The following ADARB1 variants were observed in gnomAD, a reference collection of about 807,000 sequenced individuals.
ADARB1 encodes adenosine deaminase RNA specific B1.
ADARB1 carries 10 observed loss-of-function variants against 52.4 expected under a neutral mutation model. That is an observed-to-expected ratio of 0.19 (90% CI 0.12 to 0.32). The LOEUF (loss-of-function observed/expected upper bound fraction) is 0.32, where lower values mean the gene tolerates loss of function less well. Ranked by LOEUF, ADARB1 falls within the 10% of genes least tolerant of loss-of-function variation. The probability of loss-of-function intolerance (pLI) is 1.00; values close to 1 mark genes in which losing one functional copy is unlikely to be tolerated. For missense variants in ADARB1, 643 were observed against 922.3 expected (o/e 0.70, Z 3.92); for synonymous variants, 349 against 371.1 (o/e 0.94, Z 0.68).
chr21:45,185,325 C>T (rs1401912103), intron 8 of ADARB1, among the ~76,000 whole-genome samples: 1 of 152,226 alleles, frequency 6.6e-6, no homozygotes, highest in Non-Finnish European at 1.5e-5. Flanking sequence ...CCTATCCAAG[C>T]GTCTCAGAGT....
chr21:45,174,328 G>A (rs2091602346), intron 3 of ADARB1, among the ~76,000 whole-genome samples: 2 of 152,144 alleles, frequency 1.3e-5, no homozygotes, highest in Non-Finnish European at 2.9e-5. Context: ...TGTGACAGCT[G>A]CCTAGCCATG....
intron 1 of ADARB1, among the ~76,000 whole-genome samples, chr21:45,082,762 C>T (rs1347517286): frequency 6.6e-6 from 1 of 152,198 alleles, no homozygotes; most frequent in African/African-American, 2.4e-5. Flanking sequence ...GTCATCATCC[C>T]TTTTTACTGA....
At chr21:45,104,402 G>A (rs2123746383) in intron 1 of ADARB1, among the ~76,000 whole-genome samples, 1 of 152,270 alleles carries the variant, frequency 6.6e-6, no homozygotes, top group South Asian at 2.1e-4. Context: ...TTTGACTGGG[G>A]ACTCCTGGGA....
chr21:45,145,663 A>G (rs549532154), intron 2 of ADARB1: 1 of 152,398 alleles, frequency 6.6e-6, no homozygotes, highest in Admixed American at 6.5e-5. Flanking sequence ...TAACTGCCAC[A>G]TACAGAATGT....
Position 45,204,765 on chromosome 21 carries a change from A to G in ADARB1, c.1747+29A>G. The stretch of plus-strand genomic sequence containing the variant: ...AGTATCTCTAGAGTGTGCTGATTTA[A>G]TCTCTGTCTTGATTTTGCAATGTTT... On this transcript the variant is annotated intron_variant, in intron 9 of 10. Coordinates refer to ENST00000348831, the MANE Select transcript of ADARB1 (RefSeq NM_001112.4). The surrounding 1 kb of genome is among the most constrained non-coding windows in gnomAD (Gnocchi z 4.4). 6.2e-7 allele frequency: 1 copy of G among 1,602,900 alleles called. No individual in the cohort carries two copies. Among genetic ancestry groups the G allele is most frequent in the South Asian group, 1.1e-5 (1 of 90,112 alleles).
At chr21:45,115,182 A>G (rs983161942) in intron 1 of ADARB1, among the ~76,000 whole-genome samples, 1 of 152,188 alleles carries the variant, frequency 6.6e-6, no homozygotes, top group Non-Finnish European at 1.5e-5. Context: ...GCAGAAATAC[A>G]TGGTTTTGGA....
chr21:45,158,109 T>G (rs2090759588), intron 2 of ADARB1, among the ~76,000 whole-genome samples: 1 of 152,124 alleles, frequency 6.6e-6, no homozygotes, highest in East Asian at 1.9e-4. Flanking sequence ...AGGGACAGGG[T>G]AACTGCGATA....
At chr21:45,119,210 C>T (rs779322003) in intron 1 of ADARB1, among the ~76,000 whole-genome samples, 1 of 152,150 alleles carries the variant, frequency 6.6e-6, no homozygotes, top group Admixed American at 6.5e-5. Flanking sequence ...CTGTTATCAG[C>T]CTCTTGAGTA....
chr21:45,150,794 T>G (rs1333635992), intron 2 of ADARB1, among the ~76,000 whole-genome samples: 1 of 152,254 alleles, frequency 6.6e-6, no homozygotes, highest in Non-Finnish European at 1.5e-5. Context: ...AATGTGTGTG[T>G]ACTGACACAT....
intron 1 of ADARB1, among the ~76,000 whole-genome samples, chr21:45,082,065 G>C (rs1379316448): frequency 6.6e-6 from 1 of 152,190 alleles, no homozygotes; most frequent in Admixed American, 6.5e-5. Context: ...TTGGAGACAA[G>C]GGAAGTGGAG....
intron 5 of ADARB1, among the ~76,000 whole-genome samples, chr21:45,181,939 G>T (rs1029796747): frequency 2.6e-5 from 4 of 152,250 alleles, no homozygotes; most frequent in African/African-American, 9.6e-5. Flanking sequence ...GCACACCATT[G>T]GTTCAGCTGC....
intron 9 of ADARB1, among the ~76,000 whole-genome samples, chr21:45,218,999 T>C (rs992326435): frequency 3.3e-5 from 5 of 152,174 alleles, no homozygotes; most frequent in African/African-American, 1.2e-4. Context: ...CAATTCCGAG[T>C]TATGCAAGTG....
chr21:45,174,428 C>T (rs1453000712), intron 3 of ADARB1, among the ~76,000 whole-genome samples: 1 of 152,124 alleles, frequency 6.6e-6, no homozygotes, highest in East Asian at 1.9e-4. Flanking sequence ...TAGGGCTGGG[C>T]ACGGTGGCTC....
At chr21:45,077,149 A>G (rs577852031) in intron 1 of ADARB1, among the ~76,000 whole-genome samples, 7 of 152,262 alleles carry the variant, frequency 4.6e-5, no homozygotes, top group African/African-American at 1.4e-4. Flanking sequence ...CTAATTAGTT[A>G]TTATCAAAAT....
chr21:45,183,262 T>C (rs2091990226), intron 6 of ADARB1, 100 bp from the exon 7 acceptor site: 6 of 1,181,426 alleles, frequency 5.1e-6, no homozygotes, highest in Non-Finnish European at 6.9e-6. Context: ...AGTTCAAACT[T>C]ATCTTTCCCT....
intron 1 of ADARB1, among the ~76,000 whole-genome samples, chr21:45,106,193 C>G (rs200535747): frequency 1.4e-5 from 2 of 146,490 alleles, no homozygotes; most frequent in Admixed American, 1.3e-4. Flanking sequence ...CCGTGGGAGG[C>G]TTTTTTTTTT....
At chr21:45,107,224 G>A (rs1010361984) in intron 1 of ADARB1, among the ~76,000 whole-genome samples, 2 of 152,166 alleles carry the variant, frequency 1.3e-5, no homozygotes, top group Non-Finnish European at 2.9e-5. Context: ...CACAGAAGTC[G>A]CCTTGAGCAG....
chr21:45,189,629 G>A (rs2092223122), intron 8 of ADARB1, among the ~76,000 whole-genome samples: 1 of 151,956 alleles, frequency 6.6e-6, no homozygotes, highest in Admixed American at 6.6e-5. Flanking sequence ...GCAGGCTAGT[G>A]GTAATGTACT....
In ADARB1 at chr21:45,175,870, G is replaced by A. The variant is rs576621164; in HGVS notation, c.169G>A (p.Glu57Lys). The change falls in exon 4 of 11, where the codon GAG (glutamate) becomes AAG (lysine). Residue 57 changes from glutamate to lysine, a missense_variant. Transcript: ENST00000348831. ...GGPGRKRPLE[E>K]GSNGHSKYRL... ...CCCCGGCAGAAAGCGGCCCCTGGAG[G>A]AGGGCAGCAATGGCCACTCCAAGTA... 6.2e-7 allele frequency: 1 copy of A among 1,613,654 alleles called. No homozygotes were observed. The highest frequency in any genetic ancestry group is 1.1e-5 in the South Asian group (1 of 91,038).
Sources: gnomAD v4.1 joint callset for allele counts (sites outside exome capture counted in the v4.1 genomes callset) on GRCh38, gnomAD v4.1.1 for gene constraint, Gnocchi (gnomAD v3.1) non-coding constraint, MANE v1.5 for transcripts, NCBI Gene and HGNC (gene_info 2026-07-23, HGNC 2026-07-21) for gene names.